Variants in NR6A1 observed in about 807,000 individuals in gnomAD.
The protein encoded by NR6A1 is nuclear receptor subfamily 6 group A member 1.
NR6A1 carries 7 observed loss-of-function variants against 59.1 expected under a neutral mutation model. That is an observed-to-expected ratio of 0.12 (90% confidence interval 0.07 to 0.22). The LOEUF (loss-of-function observed/expected upper bound fraction) is 0.22. NR6A1 is among the 10% of genes least tolerant of loss of function. The pLI is 1.00. For missense variants in NR6A1, 468 were observed against 611.6 expected (o/e 0.77, Z 2.48); for synonymous variants, 243 against 236.1 (o/e 1.03, Z -0.27).
At chr9:124,525,304 C>CACACACACACACACAT (rs1832902231) in intron 8 of NR6A1, among the ~76,000 whole-genome samples, 1 of 151,022 alleles carries the variant, frequency 6.6e-6, no homozygotes, top group African/African-American at 2.4e-5. Flanking sequence ...CACACACACA[C>CACACACACACACACAT]ACACACACAC....
rs2131223613 is a variant in NR6A1 at position 124,771,191 on chromosome 9, G to T, written c.-72C>A. On this transcript the variant is annotated 5_prime_UTR_variant, in exon 1 of 10. Transcript: ENST00000487099. ...CGGCGCCCTAGTCGCCGTGGTCGTC[G>T]TCCGCCGAGGGGAGGAGGTTGTCAG... 1.2e-6 allele frequency: 1 copy of T among 864,472 alleles called. No individual in the cohort carries two copies. The highest frequency in any genetic ancestry group is 1.5e-6 in the Non-Finnish European group (1 of 651,996). The allele number at this position is 864,472 out of a possible 1,614,324, so 53.6% of individuals were successfully genotyped here. A position where few individuals can be genotyped will look rare whatever the true frequency, so the allele number is the denominator to read the frequency against.
At chr9:124,546,032 T>C (rs1833587831) in intron 3 of NR6A1, among the ~76,000 whole-genome samples, 1 of 152,204 alleles carries the variant, frequency 6.6e-6, no homozygotes, top group Non-Finnish European at 1.5e-5. Flanking sequence ...GGAGAATTGC[T>C]TGAACCCGGG....
At chr9:124,641,168 A>G (rs1482795692) in intron 2 of NR6A1, among the ~76,000 whole-genome samples, 1 of 152,100 alleles carries the variant, frequency 6.6e-6, no homozygotes, top group Non-Finnish European at 1.5e-5. Context: ...CCTGGCCAAC[A>G]TGGCAAAACC....
Position 124,670,216 on chromosome 9 carries a change from CAA to C in NR6A1, c.142+63090_142+63091del, listed in dbSNP as rs1245931470. ...CCAACATAGCAAGACCTCATCTCTG[CAA>C]AAAAAAAAAAAAAAAATCAAAAAAT... On this transcript the variant is annotated intron_variant, in intron 2 of 9. Transcript: ENST00000487099. Among the ~76,000 whole-genome samples, 189 of 82,080 alleles carry C rather than the reference CAA, an allele frequency of 2.3e-3. 1 individual carries two copies. The highest frequency in any genetic ancestry group is 5.7e-3 in the African/African-American group (156 of 27,252). 53.8% of individuals were successfully genotyped at this position (82,080 alleles called of 152,430 possible).
At chr9:124,562,141 T>C (rs115126757) in intron 2 of NR6A1, among the ~76,000 whole-genome samples, 19 of 152,304 alleles carry the variant, frequency 1.2e-4, no homozygotes, top group Middle Eastern at 3.4e-3. Context: ...AACTTGGGTT[T>C]CCTCTGAGAA....
intron 2 of NR6A1, among the ~76,000 whole-genome samples, chr9:124,566,017 C>T (rs918168682): frequency 1.3e-5 from 2 of 152,148 alleles, no homozygotes; most frequent in African/African-American, 2.4e-5. Context: ...ATGTTCACAA[C>T]GGCATGCTTT....
In NR6A1 at chr9:124,540,035, G is replaced by T. The variant is rs1434472677; in HGVS notation, c.594C>A (p.Ser198=). ...NQPSPGSTLS[S]SRSVELNGFM... The stretch of plus-strand genomic sequence containing the variant: ...CATGGGTTTGCCTTAAAGCTCACCT[G>T]GAAGACAGTGTGGAGCCTGGTGAGG... Residue 198 remains serine, a splice_region_variant and synonymous_variant, in exon 5 of 10, where the codon TCC becomes TCA. Transcript: ENST00000487099. 6.3e-7 allele frequency: 1 copy of T among 1,590,828 alleles called. No individual in the cohort carries two copies. The highest frequency in any genetic ancestry group is 1.5e-5 in the African/African-American group (1 of 68,836).
intron 1 of NR6A1, among the ~76,000 whole-genome samples, chr9:124,742,229 A>G (rs1840190298): frequency 6.6e-6 from 1 of 152,214 alleles, no homozygotes; most frequent in South Asian, 2.1e-4. Context: ...CAGGGGCTCT[A>G]AAATTTCAAC....
intron 7 of NR6A1, 37 bp downstream of exon 7, chr9:124,535,833 ATTGTTTGG>A: frequency 6.8e-6 from 11 of 1,607,456 alleles, no homozygotes; most frequent in Non-Finnish European, 9.4e-6. Flanking sequence ...AGGGATGACA[ATTGTTTGG>A]TTGTTTGGTA....
In NR6A1 at chr9:124,607,886, A is replaced by G. The variant is rs566532568; in HGVS notation, c.143-53316T>C. ...ATAGCGTAACCCTGTCTCTACAAAA[A>G]TAAACAAGTAAATAAATAAATAAGC... On this transcript the variant is annotated intron_variant, in intron 2 of 9. Coordinates refer to ENST00000487099, the MANE Select transcript of NR6A1 (RefSeq NM_033334.4). 1.6e-4 allele frequency among the ~76,000 whole-genome samples: 25 copies of G among 152,238 alleles called. No individual in the cohort carries two copies. In the East Asian group the frequency reaches 4.3e-3, roughly 26 times the overall value.
chr9:124,770,845 G>A lies in NR6A1; in HGVS notation c.100+175C>T, dbSNP rs567191171. Among the ~76,000 whole-genome samples the A allele has an allele frequency of 3.8e-3, 581 of 151,852 alleles. 1 individual carries two copies. Among genetic ancestry groups the A allele is most frequent in the African/African-American group, 0.013 (545 of 41,424 alleles). ...AGGAGGATCCACCCTGAGCGAGACC[G>A]GGGAGGAGAGGGAGGGTCCGCGCCA... On this transcript the variant is annotated intron_variant, in intron 1 of 9. Coordinates refer to ENST00000487099, the MANE Select transcript of NR6A1 (RefSeq NM_033334.4).
intron 1 of NR6A1, among the ~76,000 whole-genome samples, chr9:124,761,172 A>G (rs985957865): frequency 3.3e-5 from 5 of 152,280 alleles, no homozygotes; most frequent in African/African-American, 1.2e-4. Context: ...CTTCAAATCC[A>G]AACATTAAGA....
At chr9:124,677,596 G>A (rs1838002919) in intron 2 of NR6A1, among the ~76,000 whole-genome samples, 1 of 151,874 alleles carries the variant, frequency 6.6e-6, no homozygotes, top group Non-Finnish European at 1.5e-5. Flanking sequence ...TTTACATATG[G>A]TAAGGTAAAC....
chr9:124,541,074 G>A (rs1199823657), intron 4 of NR6A1, among the ~76,000 whole-genome samples: 1 of 152,192 alleles, frequency 6.6e-6, no homozygotes, highest in Non-Finnish European at 1.5e-5. Flanking sequence ...GGTCTTGCCA[G>A]TGATTTCTTG....
chr9:124,725,883 T>TG (rs1839701324), intron 2 of NR6A1, among the ~76,000 whole-genome samples: 1 of 152,236 alleles, frequency 6.6e-6, no homozygotes, highest in Admixed American at 6.5e-5. Flanking sequence ...TTGCTGGTTG[T>TG]GTCATTATTT....
intron 2 of NR6A1, among the ~76,000 whole-genome samples, chr9:124,676,880 T>C (rs183889685): frequency 1.6e-4 from 24 of 152,306 alleles, no homozygotes; most frequent in Admixed American, 1.3e-3. Flanking sequence ...CCTTTAAAAT[T>C]CGTGACTAGA....
At chr9:124,736,932 TA>T (rs1192306949) in intron 1 of NR6A1, among the ~76,000 whole-genome samples, 5 of 152,328 alleles carry the variant, frequency 3.3e-5, no homozygotes, top group Admixed American at 3.3e-4. Flanking sequence ...AAGCTGCTAC[TA>T]ACTAATCTCT....
intron 2 of NR6A1, chr9:124,598,937 A>T (rs2130817007): frequency 1.4e-6 from 1 of 704,852 alleles, no homozygotes; most frequent in Non-Finnish European, 2.7e-6. Context: ...GTCGTTCCAG[A>T]CTCAGGCATG....
At chr9:124,578,938 A>G (rs936600879) in intron 2 of NR6A1, among the ~76,000 whole-genome samples, 1 of 152,222 alleles carries the variant, frequency 6.6e-6, no homozygotes, top group Non-Finnish European at 1.5e-5. Flanking sequence ...AGATCATAAT[A>G]TATCAATTCA....
Sources: allele counts gnomAD v4.1 joint callset (sites outside exome capture counted in the v4.1 genomes callset), GRCh38; gene constraint gnomAD v4.1.1; transcripts MANE v1.5; gene names NCBI Gene and HGNC (gene_info 2026-07-23, HGNC 2026-07-21).